Variants in UCKL1 observed in about 807,000 individuals in gnomAD.
The protein encoded by UCKL1 is uridine-cytidine kinase 1 like 1.
In UCKL1, 65 loss-of-function variants were observed where a neutral mutation model predicts 59.2. The ratio of observed to expected loss-of-function variants is 1.10; its 90% confidence interval spans 0.90 to 1.35. UCKL1 has a LOEUF of 1.35. Among genes scored for constraint, UCKL1 ranks in the 40% most tolerant of loss-of-function variants. The probability of loss-of-function intolerance (pLI) is 0.00; values close to 1 mark genes in which losing one functional copy is unlikely to be tolerated. For synonymous variants in UCKL1, 410 were observed against 323.1 expected (o/e 1.27, Z -2.88); for missense variants, 703 against 784.3 (o/e 0.90, Z 1.24).
chr20:63,945,723 C>A lies in UCKL1; in HGVS notation c.583-1G>T. 6.2e-7 allele frequency: 1 copy of A among 1,613,002 alleles called. No individual in the cohort carries two copies. The highest frequency in any genetic ancestry group is 8.5e-7 in the Non-Finnish European group (1 of 1,179,664). ...TGACGTTTGCACCATACAGTGTTTT[C>A]TGTGAAGAAACCCAGGAGTTGCGGA... On this transcript the variant is annotated splice_acceptor_variant, in intron 4 of 14. Transcript: ENST00000354216. LOFTEE classifies it high-confidence loss of function.
intron 1 of UCKL1, among the ~76,000 whole-genome samples, chr20:63,950,489 T>A (rs1046200101): frequency 6.6e-6 from 1 of 152,154 alleles, no homozygotes. Flanking sequence ...TGTGCACAGA[T>A]GGACAGGAGT....
At chr20:63,948,881 C>T (rs770203245) in intron 1 of UCKL1, among the ~76,000 whole-genome samples, 1 of 152,032 alleles carries the variant, frequency 6.6e-6, no homozygotes, top group Non-Finnish European at 1.5e-5. Context: ...GCATCTCCAG[C>T]GTGGGAACAC....
rs771547235 is a variant in UCKL1 at position 63,956,381 on chromosome 20, G to C, written c.-9C>G. 6.7e-7 allele frequency: 1 copy of C among 1,483,170 alleles called. No individual in the cohort carries two copies. Among genetic ancestry groups the C allele is most frequent in the Non-Finnish European group, 8.9e-7 (1 of 1,119,340 alleles). 91.9% of individuals were successfully genotyped at this position (1,483,170 alleles called of 1,614,324 possible). ...GCCGGGGGCGCAGCCATGGCGCTCG[G>C]AGGCCTCTTTGCGGGCCTGGCCGGG... On this transcript the variant is annotated 5_prime_UTR_variant, in exon 1 of 15. Coordinates refer to ENST00000354216, the MANE Select transcript of UCKL1 (RefSeq NM_017859.4).
At chr20:63,951,855 AG>A (rs901069826) in intron 1 of UCKL1, among the ~76,000 whole-genome samples, 1 of 152,246 alleles carries the variant, frequency 6.6e-6, no homozygotes, top group African/African-American at 2.4e-5. Flanking sequence ...GAGTCAGTCA[AG>A]GATGTGCACA....
rs1474866260 is a variant in UCKL1, at chr20:63,943,637, G to A, written c.923+16C>T. The A allele has an allele frequency of 1.2e-6, 2 of 1,609,352 alleles. No homozygotes were observed. The highest frequency in any genetic ancestry group is 2.7e-5 in the African/African-American group (2 of 74,902). ...GGAAGTGCCTCCATCTGTGCAGACAGCTGTGCAAGTCTTACCTGACGCTGA... is the reference window on the plus strand; with the variant it reads ...GGAAGTGCCTCCATCTGTGCAGACAACTGTGCAAGTCTTACCTGACGCTGA... On this transcript the variant is annotated intron_variant, in intron 8 of 14. Coordinates refer to ENST00000354216, the MANE Select transcript of UCKL1 (RefSeq NM_017859.4).
At position 63,943,635 on chromosome 20, in the gene UCKL1, C is replaced by T; in HGVS notation, c.923+18G>A. 6.2e-7 allele frequency: 1 copy of T among 1,609,480 alleles called. No homozygotes were observed. The highest frequency in any genetic ancestry group is 8.5e-7 in the Non-Finnish European group (1 of 1,176,884). On this transcript the variant is annotated intron_variant, in intron 8 of 14. Transcript: ENST00000354216. The stretch of plus-strand genomic sequence containing the variant: ...TTGGAAGTGCCTCCATCTGTGCAGA[C>T]AGCTGTGCAAGTCTTACCTGACGCT...
chr20:63,944,763 CCAGATGCCAG>C, intron 5 of UCKL1, 29 bp from the exon 6 acceptor site: 2 of 1,608,200 alleles, frequency 1.2e-6, no homozygotes, highest in Non-Finnish European at 1.7e-6. Flanking sequence ...CAGTGAGTGG[CCAGATGCCAG>C]CAGTGGGCAT....
chr20:63,954,905 G>T (rs1338219079), intron 1 of UCKL1: 1 of 152,232 alleles, frequency 6.6e-6, no homozygotes, highest in East Asian at 1.9e-4. Flanking sequence ...CCTTTCTCAA[G>T]AGCTCTCAGT....
intron 8 of UCKL1, 136 bp from the exon 9 acceptor site, chr20:63,941,344 T>G: frequency 7.4e-7 from 1 of 1,346,300 alleles, no homozygotes; most frequent in Non-Finnish European, 1.0e-6. Flanking sequence ...CGGGCCTGAC[T>G]TCTGCCTGGG....
At chr20:63,953,118 G>GCC (rs1190252095) in intron 1 of UCKL1, among the ~76,000 whole-genome samples, 27 of 152,262 alleles carry the variant, frequency 1.8e-4, no homozygotes, top group South Asian at 4.1e-4. Flanking sequence ...GGTGGCACAT[G>GCC]CCTGTAATCC....
rs2056043220 is a variant in UCKL1, at chr20:63,945,867, G to A, written c.520C>T (p.Gln174Ter). 6.2e-7 allele frequency: 1 copy of A among 1,613,844 alleles called. No individual in the cohort carries two copies. Among genetic ancestry groups the A allele is most frequent in the East Asian group, 2.2e-5 (1 of 44,874 alleles). Residue 174 changes from glutamine (Q) to a stop codon, truncating the protein, a stop_gained, in exon 4 of 15, where the codon CAG becomes TAG. Transcript: ENST00000354216. LOFTEE classifies it high-confidence loss of function. ...LIISTLKKLK[Q>*]GKSVKVPIYD... The stretch of plus-strand genomic sequence containing the variant: ...ATGGGCACCTTGACACTCTTCCCCT[G>A]CTTCAGCTTCTTGAGGGTGGAAATG...
chr20:63,953,920 C>G (rs1032836837), intron 1 of UCKL1: 1 of 152,568 alleles, frequency 6.6e-6, no homozygotes, highest in East Asian at 1.9e-4. Flanking sequence ...TGTTCTACCA[C>G]CCCTGGGGTC....
At chr20:63,942,636 G>A (rs1347850895) in intron 8 of UCKL1, 1 of 542,628 alleles carries the variant, frequency 1.8e-6, no homozygotes. Flanking sequence ...GGGCGGTCAG[G>A]CCCCCAGCCC....
intron 1 of UCKL1, among the ~76,000 whole-genome samples, chr20:63,947,924 C>G: frequency 6.6e-6 from 1 of 152,048 alleles, no homozygotes; most frequent in East Asian, 1.9e-4. Context: ...GGCAGGGGGC[C>G]GTGACTGGCC....
At chr20:63,955,565 C>G (rs1569170869) in intron 1 of UCKL1, 1 of 152,208 alleles carries the variant, frequency 6.6e-6, no homozygotes, top group Non-Finnish European at 1.5e-5. Context: ...TCCTGGGGAC[C>G]CCGCGGGCTC....
At chr20:63,946,005 G>C (rs1356967066) in intron 3 of UCKL1, 30 bp from the exon 4 acceptor site, 2 of 1,613,118 alleles carry the variant, frequency 1.2e-6, no homozygotes, top group Non-Finnish European at 1.7e-6. Context: ...AGCAGCTGTG[G>C]GCACAGTAGG....
At chr20:63,944,920 C>T (rs1012681736) in intron 5 of UCKL1, among the ~76,000 whole-genome samples, 186 bp from the exon 6 acceptor site, 23 of 144,672 alleles carry the variant, frequency 1.6e-4, no homozygotes, top group African/African-American at 5.1e-4. Context: ...GGGCCTGGCC[C>T]GAGCCACTTC....
rs542464999 is a variant in UCKL1, at chr20:63,949,642, G to C, written c.114-2999C>G. 1.7e-4 allele frequency among the ~76,000 whole-genome samples: 26 copies of C among 152,348 alleles called. No homozygotes were observed. The South Asian group carries it at 5.4e-3, about 32-fold the overall frequency. On this transcript the variant is annotated intron_variant, in intron 1 of 14. Coordinates refer to ENST00000354216, the MANE Select transcript of UCKL1 (RefSeq NM_017859.4). ...GTTCCCAGCAGACAGAAACGCTCTG[G>C]TGGCCCTGGAGGCCGTGGTGGGCAG...
At position 63,946,713 on chromosome 20, in the gene UCKL1, G is replaced by A. The variant is rs578074794; in HGVS notation, c.114-70C>T. ...TCCCAGGTACCCGCTGGCATGGCCG[G>A]CCCACAGGGCACCCCCCCCACCCCC... On this transcript the variant is annotated intron_variant, in intron 1 of 14. Transcript: ENST00000354216. 4 of 1,423,346 alleles carry A rather than the reference G, an allele frequency of 2.8e-6. No individual in the cohort carries two copies. In the African/African-American group the frequency reaches 7.9e-5, roughly 28 times the overall value. 88.2% of individuals were successfully genotyped at this position (1,423,346 alleles called of 1,614,324 possible). A position where few individuals can be genotyped will look rare whatever the true frequency, so the allele number is the denominator to read the frequency against.
Sources: gnomAD v4.1 joint callset for allele counts (sites outside exome capture counted in the v4.1 genomes callset) on GRCh38, gnomAD v4.1.1 for gene constraint, MANE v1.5 for transcripts, NCBI Gene and HGNC (gene_info 2026-07-23, HGNC 2026-07-21) for gene names.